Variants in UBAP2 observed in about 807,000 individuals in gnomAD.
UBAP2 encodes ubiquitin associated protein 2.
A neutral mutation model predicts 139.6 loss-of-function variants in UBAP2; 75 were observed. The ratio of observed to expected loss-of-function variants is 0.54; its 90% confidence interval spans 0.45 to 0.65. The LOEUF (loss-of-function observed/expected upper bound fraction) is 0.65. Among genes scored for constraint, UBAP2 ranks in the 30% least tolerant of loss-of-function variants. The pLI, the probability that UBAP2 is intolerant of heterozygous loss-of-function variation, is 0.00. For synonymous variants in UBAP2, 526 were observed against 526.2 expected (o/e 1.00, Z 0.01); for missense variants, 1,368 against 1,369.6 (o/e 1.00, Z 0.02).
At position 33,927,888 on chromosome 9, in the gene UBAP2, A is replaced by G. The variant is rs927687045; in HGVS notation, c.2280T>C (p.Ser760=). ...AGAGGCTGTTCGCGGTGTTCATGCTACTGGACAGGCTGGCGCCTGAGGATG... is the reference window on the plus strand; with the variant it reads ...AGAGGCTGTTCGCGGTGTTCATGCTGCTGGACAGGCTGGCGCCTGAGGATG... ...SSASSGASLS[S]SMNTANSLCL... The change falls in exon 20 of 29, where the codon AGT becomes AGC. Residue 760 remains serine (S), a synonymous_variant. Transcript: ENST00000379238. The G allele has an allele frequency of 9.3e-6, 15 of 1,614,088 alleles. No individual in the cohort carries two copies. The highest frequency in any genetic ancestry group is 1.3e-5 in the Non-Finnish European group (15 of 1,180,032).
intron 17 of UBAP2, 169 bp downstream of exon 17, chr9:33,935,670 T>C: frequency 1.4e-6 from 1 of 727,486 alleles, no homozygotes; most frequent in Non-Finnish European, 2.4e-6. Flanking sequence ...GTTAAGACAT[T>C]TCTAATAACA....
At chr9:33,948,630 A>C in intron 12 of UBAP2, 43 bp from the exon 13 acceptor site, 1 of 1,561,548 alleles carries the variant, frequency 6.4e-7, no homozygotes, top group African/African-American at 1.4e-5. Flanking sequence ...ACAATACAGA[A>C]TTTCTGCCCA....
At chr9:34,016,943 C>A in intron 2 of UBAP2, 107 bp downstream of exon 2, 1 of 785,488 alleles carries the variant, frequency 1.3e-6, no homozygotes, top group East Asian at 2.8e-5. Context: ...CCTTAATTTC[C>A]TTAATTCTAA....
chr9:33,940,440 C>CATGTTGAG (rs747743371), intron 16 of UBAP2, among the ~76,000 whole-genome samples: 12 of 152,266 alleles, frequency 7.9e-5, no homozygotes, highest in Admixed American at 4.6e-4. Context: ...GAGCTGAAAT[C>CATGTTGAG]CTAAGCTATC....
chr9:33,993,302 T>A (rs1821873724), intron 4 of UBAP2, among the ~76,000 whole-genome samples: 2 of 152,214 alleles, frequency 1.3e-5, no homozygotes, highest in African/African-American at 4.8e-5. Flanking sequence ...GTTTATATTC[T>A]GTCAACCCTA....
chr9:33,965,216 T>C (rs1827355225), intron 8 of UBAP2, among the ~76,000 whole-genome samples: 1 of 152,204 alleles, frequency 6.6e-6, no homozygotes, highest in South Asian at 2.1e-4. Context: ...ATATTCACAA[T>C]GTTGTACAAT....
At chr9:34,040,980 A>C (rs532735063) in intron 1 of UBAP2, among the ~76,000 whole-genome samples, 1 of 151,762 alleles carries the variant, frequency 6.6e-6, no homozygotes, top group Non-Finnish European at 1.5e-5. Flanking sequence ...CAAAAATTCC[A>C]CTCTCAGTTA....
Position 33,956,115 on chromosome 9 carries a change from G to T in UBAP2, c.830C>A (p.Ser277Tyr). The part of the protein sequence containing the change: ...LSETKVFTAS[S>Y]APAENHILPG... ...TAAGATGTGATTCTCTGCTGGAGCA[G>T]ATGAGGCAGTGAAGACCTTTGTTTC... The change falls in exon 11 of 29, where the codon TCT (serine) becomes TAT (tyrosine). Residue 277 changes from serine (S) to tyrosine (Y), a missense_variant. Ser to Tyr is a moderately radical substitution (Grantham distance 144). Coordinates refer to ENST00000379238, the MANE Select transcript of UBAP2 (RefSeq NM_001370062.2). 1 of 1,613,796 alleles carries T rather than the reference G, an allele frequency of 6.2e-7. No individual in the cohort carries two copies. Among genetic ancestry groups the T allele is most frequent in the Non-Finnish European group, 8.5e-7 (1 of 1,179,898 alleles).
In UBAP2 at chr9:33,923,462, G is replaced by C; in HGVS notation, c.2813C>G (p.Ala938Gly). ...GCTGAGGTTCACCCCATGTTGCTTGGCTGAGGCTGGAGGGACCTGGGGGGG... is the reference window on the plus strand; with the variant it reads ...GCTGAGGTTCACCCCATGTTGCTTGCCTGAGGCTGGAGGGACCTGGGGGGG... ...GPTMFVPPAS[A>G]KQHGVNLSTP... The change falls in exon 25 of 29, where the codon GCC becomes GGC. Residue 938 changes from alanine (A) to glycine (G), a missense_variant. Transcript: ENST00000379238. 6.2e-7 allele frequency: 1 copy of C among 1,614,136 alleles called. No homozygotes were observed. Among genetic ancestry groups the C allele is most frequent in the Non-Finnish European group, 8.5e-7 (1 of 1,180,018 alleles).
intron 6 of UBAP2, among the ~76,000 whole-genome samples, chr9:33,975,210 T>A (rs1030402500): frequency 6.6e-6 from 1 of 150,622 alleles, no homozygotes; most frequent in African/African-American, 2.4e-5. Flanking sequence ...GGCAGGCAGA[T>A]CACGAGGTCA....
intron 8 of UBAP2, chr9:33,968,089 C>G: frequency 2.1e-6 from 1 of 470,062 alleles, no homozygotes; most frequent in Non-Finnish European, 4.2e-6. Context: ...TCAGATTGCC[C>G]GGCAGTTACA....
At chr9:33,947,341 G>T (rs538220198) in intron 13 of UBAP2, among the ~76,000 whole-genome samples, 19 of 152,168 alleles carry the variant, frequency 1.2e-4, no homozygotes, top group Non-Finnish European at 2.5e-4. Flanking sequence ...CCTTAATACA[G>T]TGTGGCATGT....
At chr9:33,947,820 G>T (rs1825762184) in intron 13 of UBAP2, among the ~76,000 whole-genome samples, 1 of 124,588 alleles carries the variant, frequency 8.0e-6, no homozygotes. Context: ...GCAAGATCCT[G>T]ACTCAAAAAA....
chr9:33,988,887 G>A lies in UBAP2; in HGVS notation c.442+86C>T, dbSNP rs543376691. On this transcript the variant is annotated intron_variant, in intron 5 of 28. Coordinates refer to ENST00000379238, the MANE Select transcript of UBAP2 (RefSeq NM_001370062.2). ...AAGCTGAGCGCAGTGACTCATGCCT[G>A]TAATCCCAAAACTTTGGGAGGCTGA... is the stretch of plus-strand genomic sequence containing the variant. 1.5e-5 allele frequency: 22 copies of A among 1,472,384 alleles called. No homozygotes were observed. The African/African-American group carries it at 3.0e-4, about 20-fold the overall frequency. The allele number at this position is 1,472,384 out of a possible 1,614,324, so 91.2% of individuals were successfully genotyped here. A position where few individuals can be genotyped will look rare whatever the true frequency, so the allele number is the denominator to read the frequency against.
intron 2 of UBAP2, among the ~76,000 whole-genome samples, chr9:34,009,405 GTT>G (rs1245928188): frequency 6.6e-6 from 1 of 151,704 alleles, no homozygotes; most frequent in African/African-American, 2.4e-5. Flanking sequence ...GGCCAAAAAG[GTT>G]TTTTTCTTAT....
chr9:33,924,555 C>T (rs1273695128), intron 22 of UBAP2, among the ~76,000 whole-genome samples: 12 of 152,352 alleles, frequency 7.9e-5, no homozygotes, highest in Non-Finnish European at 1.3e-4. Flanking sequence ...CATTTGACAC[C>T]ACAGGCAGGT....
intron 19 of UBAP2, among the ~76,000 whole-genome samples, chr9:33,929,658 T>C (rs905270481): frequency 1.3e-5 from 2 of 152,010 alleles, no homozygotes; most frequent in African/African-American, 2.4e-5. Context: ...GGCTCCCTAA[T>C]ATAGAAATAG....
At chr9:33,935,397 G>A (rs1266491486) in intron 17 of UBAP2, 1 of 158,440 alleles carries the variant, frequency 6.3e-6, no homozygotes, top group Non-Finnish European at 1.4e-5. Flanking sequence ...CCAAGTAGCT[G>A]GGATTACAGG....
At chr9:34,011,025 C>T (rs1823712083) in intron 2 of UBAP2, among the ~76,000 whole-genome samples, 1 of 151,960 alleles carries the variant, frequency 6.6e-6, no homozygotes, top group South Asian at 2.1e-4. Context: ...TTGAAAACTG[C>T]CTGAGAACAG....
Sources: allele counts gnomAD v4.1 joint callset (sites outside exome capture counted in the v4.1 genomes callset), GRCh38; gene constraint gnomAD v4.1.1; transcripts MANE v1.5; gene names NCBI Gene and HGNC (gene_info 2026-07-23, HGNC 2026-07-21).